TCF4: variants seen among roughly 807,000 people sequenced by gnomAD.
TCF4 encodes transcription factor 4.
TCF4 carries 3 observed loss-of-function variants against 82.1 expected under a neutral mutation model. The observed-to-expected ratio is 0.04, with a 90% CI of 0.02 to 0.09. The LOEUF is 0.09. TCF4 is among the 10% of genes least tolerant of loss of function. The pLI is 1.00. For missense variants in TCF4, 518 were observed against 852.7 expected (o/e 0.61, Z 4.89); for synonymous variants, 276 against 309.6 (o/e 0.89, Z 1.14).
At chr18:55,340,063 C>CG (rs1569085188) in intron 8 of TCF4, among the ~76,000 whole-genome samples, 2 of 152,264 alleles carry the variant, frequency 1.3e-5, no homozygotes, top group Non-Finnish European at 2.9e-5. Context: ...TTCAGTTTTG[C>CG]GGGGGGATCT....
intron 8 of TCF4, among the ~76,000 whole-genome samples, chr18:55,337,631 A>C (rs929339138): frequency 3.9e-5 from 6 of 152,224 alleles, no homozygotes; most frequent in African/African-American, 1.4e-4. Flanking sequence ...TTTTCCAGAC[A>C]GTCCAAAATT....
chr18:55,436,955 G>C (rs942720932), intron 5 of TCF4, among the ~76,000 whole-genome samples: 1 of 152,198 alleles, frequency 6.6e-6, no homozygotes, highest in Middle Eastern at 3.2e-3. Context: ...AGATAGCAGA[G>C]ATAATATTAG....
chr18:55,308,145 A>G (rs987576758), intron 8 of TCF4, among the ~76,000 whole-genome samples: 2 of 152,236 alleles, frequency 1.3e-5, no homozygotes, highest in Non-Finnish European at 2.9e-5. Context: ...AGTACTACTT[A>G]AGTGACACAA....
chr18:55,587,980 G>T (rs2097668657), intron 1 of TCF4, 58 bp downstream of exon 1: 1 of 959,314 alleles, frequency 1.0e-6, no homozygotes, highest in South Asian at 4.8e-5. Context: ...CGCCGAGCCC[G>T]AACCCCGCGC....
At chr18:55,532,646 C>G (rs1227948069) in intron 3 of TCF4, among the ~76,000 whole-genome samples, 1 of 152,214 alleles carries the variant, frequency 6.6e-6, no homozygotes, top group African/African-American at 2.4e-5. Context: ...AGAGGCAGTT[C>G]TAGCTTAAAG....
intron 3 of TCF4, among the ~76,000 whole-genome samples, chr18:55,544,144 G>T (rs533529785): frequency 1.3e-5 from 2 of 152,316 alleles, no homozygotes; most frequent in South Asian, 4.2e-4. Context: ...CTGACGACAT[G>T]TATGTCAAGA....
Position 55,269,618 on chromosome 18 carries a change from A to C in TCF4, c.922+213T>G. ...TCAATCTAATGACTTGCAACGTAGA[A>C]CGTAGCTAAATTTCAGTGTCTTGTG... On this transcript the variant is annotated intron_variant, in intron 11 of 19. Coordinates refer to ENST00000354452, the MANE Select transcript of TCF4 (RefSeq NM_001083962.2). 17 of 624,192 alleles carry C rather than the reference A, an allele frequency of 2.7e-5. No homozygotes were observed. The South Asian group carries it at 3.1e-4, about 12-fold the overall frequency. The allele number at this position is 624,192 out of a possible 1,614,324, so 38.7% of individuals were successfully genotyped here. A position where few individuals can be genotyped will look rare whatever the true frequency, so the allele number is the denominator to read the frequency against.
intron 8 of TCF4, among the ~76,000 whole-genome samples, chr18:55,309,111 TATC>T (rs1218958676): frequency 1.6e-4 from 25 of 151,918 alleles, no homozygotes; most frequent in African/African-American, 6.0e-4. Flanking sequence ...TTATTATTAT[TATC>T]ATTATTTTTA....
At position 55,227,236 on chromosome 18, in the gene TCF4, C is replaced by G. The variant is rs1296743968; in HGVS notation, c.*799G>C. On this transcript the variant is annotated 3_prime_UTR_variant, in exon 20 of 20. Coordinates refer to ENST00000354452, the MANE Select transcript of TCF4 (RefSeq NM_001083962.2). The stretch of plus-strand genomic sequence containing the variant: ...TACGATAACAAACCAGGGAAAGGGA[C>G]AGAAATAAGACCAAAAAAAAAAAAA... The G allele has an allele frequency of 7.4e-6, 1 of 134,612 alleles. No individual in the cohort carries two copies. The highest frequency in any genetic ancestry group is 1.6e-5 in the Non-Finnish European group (1 of 63,202). 8.3% of individuals were successfully genotyped at this position (134,612 alleles called of 1,614,324 possible).
chr18:55,324,333 C>A (rs557487557), intron 8 of TCF4, among the ~76,000 whole-genome samples: 32 of 152,302 alleles, frequency 2.1e-4, no homozygotes, highest in South Asian at 6.2e-4. Context: ...GGTTTGCTGA[C>A]CTTGGAGTAC....
chr18:55,462,449 G>T (rs986307242), intron 4 of TCF4, among the ~76,000 whole-genome samples: 1 of 152,120 alleles, frequency 6.6e-6, no homozygotes, highest in African/African-American at 2.4e-5. Context: ...AAGTACGCCT[G>T]GGTATAAATC....
rs2046672330 is a variant in TCF4 at position 55,226,920 on chromosome 18, T to C, written c.*1115A>G. On this transcript the variant is annotated 3_prime_UTR_variant, in exon 20 of 20. Transcript: ENST00000354452. ...ACAGCCACTTTGATTATGTTATGTT[T>C]CCGATGATATAAACATTGGAAGGCA... 3 of 152,648 alleles carry C rather than the reference T, an allele frequency of 2.0e-5. No homozygotes were observed. The highest frequency in any genetic ancestry group is 7.2e-5 in the African/African-American group (3 of 41,456). The allele number at this position is 152,648 out of a possible 1,614,324, so 9.5% of individuals were successfully genotyped here.
At chr18:55,322,092 C>CTTTTTTTTTTTCTTTTTTTTTTT (rs2075666174) in intron 8 of TCF4, 3 of 920,738 alleles carry the variant, frequency 3.3e-6, no homozygotes, top group Non-Finnish European at 3.9e-6. Flanking sequence ...TTTTTCTTTT[C>CTTTTTTTTTTTCTTTTTTTTTTT]TTTTTTTTTT....
intron 3 of TCF4, among the ~76,000 whole-genome samples, chr18:55,515,015 T>C (rs1417004540): frequency 6.6e-6 from 1 of 152,110 alleles, no homozygotes; most frequent in Non-Finnish European, 1.5e-5. Flanking sequence ...TAAAGACCTA[T>C]AATATTACTT....
intron 3 of TCF4, among the ~76,000 whole-genome samples, chr18:55,466,315 G>A (rs958603266): frequency 6.6e-6 from 1 of 152,138 alleles, no homozygotes; most frequent in Non-Finnish European, 1.5e-5. Context: ...GGGAAACACG[G>A]CAAGATTCTG....
At chr18:55,275,921 T>C (rs2061428490) in intron 9 of TCF4, among the ~76,000 whole-genome samples, 169 bp from the exon 10 acceptor site, 1 of 152,208 alleles carries the variant, frequency 6.6e-6, no homozygotes, top group Admixed American at 6.5e-5. Context: ...TGGCTCTATA[T>C]TGTCAAACAA....
chr18:55,399,671 G>T (rs2093684235), intron 6 of TCF4, among the ~76,000 whole-genome samples: 1 of 152,110 alleles, frequency 6.6e-6, no homozygotes, highest in African/African-American at 2.4e-5. Context: ...AAGGTCATAT[G>T]TTGAACACAA....
At chr18:55,491,335 CAG>C (rs145535827) in intron 3 of TCF4, among the ~76,000 whole-genome samples, 282 of 152,254 alleles carry the variant, frequency 1.9e-3, no homozygotes, top group African/African-American at 6.4e-3. Flanking sequence ...AATATTTAAA[CAG>C]GGGTGCAAAG....
At chr18:55,511,135 T>C (rs2096823812) in intron 3 of TCF4, among the ~76,000 whole-genome samples, 1 of 152,116 alleles carries the variant, frequency 6.6e-6, no homozygotes, top group African/African-American at 2.4e-5. Flanking sequence ...TCTGTTTTGA[T>C]TGTTTCTTCC....
Sources: gnomAD v4.1 joint callset for allele counts (sites outside exome capture counted in the v4.1 genomes callset) on GRCh38, gnomAD v4.1.1 for gene constraint, MANE v1.5 for transcripts, NCBI Gene and HGNC (gene_info 2026-07-23, HGNC 2026-07-21) for gene names.